TBXT: variants seen among roughly 807,000 people sequenced by gnomAD.
The protein encoded by TBXT is T-box transcription factor T.
TBXT carries 19 observed loss-of-function variants against 41.1 expected under a neutral mutation model. That is an observed-to-expected ratio of 0.46 (90% CI 0.32 to 0.68). The LOEUF is 0.68. Ranked by LOEUF, TBXT falls within the 30% of genes least tolerant of loss-of-function variation. The pLI is 0.03. For synonymous variants in TBXT, 213 were observed against 238.9 expected (o/e 0.89, Z 1.00); for missense variants, 536 against 582.0 (o/e 0.92, Z 0.81).
Position 166,165,774 on chromosome 6 carries a change from G to A in TBXT, c.538C>T (p.Arg180Cys). Reference sequence around the variant, plus strand: ...GGGAAGCAGTGGCTGGTGATCATGCGCTGTGGACCCCCAACTCTCACTATG... The same window carrying A: ...GGGAAGCAGTGGCTGGTGATCATGCACTGTGGACCCCCAACTCTCACTATG... ...IHIVRVGGPQ[R>C]MITSHCFPET... is the part of the protein sequence containing the mutation. The change falls in exon 3 of 8, where the codon CGC becomes TGC. Residue 180 changes from arginine to cysteine, a missense_variant. Arg to Cys is a radical substitution (Grantham distance 180). Transcript: ENST00000366876. The A allele has an allele frequency of 6.2e-7, 1 of 1,614,144 alleles. No individual in the cohort carries two copies. Among genetic ancestry groups the A allele is most frequent in the South Asian group, 1.1e-5 (1 of 91,078 alleles).
upstream of TBXT, chr6:166,168,212 G>A (rs1490050286): frequency 7.2e-6 from 1 of 139,092 alleles, no homozygotes; most frequent in Admixed American, 7.0e-5. Flanking sequence ...GCACTTCCGC[G>A]AGGGGCTGCC....
rs1778826775 is a variant in TBXT at position 166,157,869 on chromosome 6, AG to A, written c.*445del. On this transcript the variant is annotated 3_prime_UTR_variant, in exon 8 of 8. Transcript: ENST00000366876. ...ACTATGATTTTATTCTGTCCTTAAC[AG>A]CTCAACTCTAACTACTTGAAAGCAA... The A allele has an allele frequency of 1.1e-5, 3 of 261,080 alleles. No homozygotes were observed. The South Asian group carries it at 1.5e-4, about 13-fold the overall frequency. The allele number at this position is 261,080 out of a possible 1,614,324, so 16.2% of individuals were successfully genotyped here.
At chr6:166,159,550 T>C (rs1488077157) in intron 7 of TBXT, among the ~76,000 whole-genome samples, 1 of 152,222 alleles carries the variant, frequency 6.6e-6, no homozygotes, top group Non-Finnish European at 1.5e-5. Context: ...CTGAGACTAC[T>C]TATAGGCTGT....
chr6:166,164,555 G>C (rs370740850), intron 5 of TBXT, 50 bp downstream of exon 5: 5 of 1,604,402 alleles, frequency 3.1e-6, no homozygotes, highest in Admixed American at 1.7e-5. Flanking sequence ...CTCTCAGCAA[G>C]TCTAGTCCCG....
Position 166,167,468 on chromosome 6 carries a change from G to C in TBXT, c.124C>G (p.Leu42Val), listed in dbSNP as rs141082493. 3.7e-6 allele frequency: 6 copies of C among 1,612,528 alleles called. No individual in the cohort carries two copies. The East Asian group carries it at 8.9e-5, about 24-fold the overall frequency. The change falls in exon 1 of 8, where the codon CTG (leucine) becomes GTG (valine). Residue 42 changes from leucine (L) to valine (V), a missense_variant. By Grantham distance (32) the Leu-to-Val change is conservative. Transcript: ENST00000366876. ...SEKGDPTERE[L>V]RVGLEESELW... ...TCGCTCTCCTCCAGGCCCACGCGCA[G>C]TTCGCGCTCTGTGGGGTCGCCCTTC...
At chr6:166,163,206 G>C (rs1779011237) in intron 5 of TBXT, among the ~76,000 whole-genome samples, 1 of 152,108 alleles carries the variant, frequency 6.6e-6, no homozygotes, top group Non-Finnish European at 1.5e-5. Flanking sequence ...CTTAGACAAG[G>C]GTGCCCTCCC....
intron 7 of TBXT, among the ~76,000 whole-genome samples, chr6:166,159,197 A>G (rs570205205): frequency 1.3e-5 from 2 of 152,334 alleles, no homozygotes; most frequent in African/African-American, 4.8e-5. Flanking sequence ...CAGAAAAGAA[A>G]GACTCAGACC....
In TBXT at chr6:166,158,600, A is replaced by G; in HGVS notation, c.1038-12T>C. 2 of 1,508,276 alleles carry G rather than the reference A, an allele frequency of 1.3e-6. No individual in the cohort carries two copies. Among genetic ancestry groups the G allele is most frequent in the African/African-American group, 1.4e-5 (1 of 72,572 alleles). 93.4% of individuals were successfully genotyped at this position (1,508,276 alleles called of 1,614,324 possible). A position where few individuals can be genotyped will look rare whatever the true frequency, so the allele number is the denominator to read the frequency against. ...GGCTGGGGTACTGACTGCAACAGAA[A>G]GACACCAGTGAGCAGGGCCTGGGCA... On this transcript the variant is annotated splice_polypyrimidine_tract_variant and intron_variant, in intron 7 of 7. Transcript: ENST00000366876.
rs1217735160 is a variant in TBXT, at chr6:166,158,531, T to G, written c.1095A>C (p.Ala365=). ...SNGAVTPGSQ[A]AAVSNGLGAQ... ...CCCCCAGCCCGTTGGACACGGCTGC[T>G]GCCTGGGAGCCCGGGGTGACGGCGC... The change falls in exon 8 of 8, where the codon GCA becomes GCC. Residue 365 remains alanine, a synonymous_variant. Transcript: ENST00000366876. The G allele has an allele frequency of 1.2e-6, 2 of 1,601,934 alleles. No homozygotes were observed. Among genetic ancestry groups the G allele is most frequent in the Admixed American group, 3.4e-5 (2 of 59,554 alleles).
chr6:166,167,950 G>A (rs2128524045), upstream of TBXT: 1 of 371,498 alleles, frequency 2.7e-6, no homozygotes. Flanking sequence ...GTGCCGGGCA[G>A]CCTCCCATTG....
In TBXT at chr6:166,166,724, G is replaced by GC. The variant is rs757779131; in HGVS notation, c.338dup (p.Lys114GlnfsTer52). 2.5e-6 allele frequency: 4 copies of GC among 1,613,656 alleles called. No individual in the cohort carries two copies. Among genetic ancestry groups the GC allele is most frequent in the Non-Finnish European group, 3.4e-6 (4 of 1,180,034 alleles). ...AGCTGGGCGCCTGCGGCTCCGGCTT[G>GC]CCCCCCGGCACCCATTCCCCGTTCA... On this transcript the variant is annotated frameshift_variant, in exon 2 of 8. Coordinates refer to ENST00000366876, the MANE Select transcript of TBXT (RefSeq NM_001366285.2). LOFTEE classifies it high-confidence loss of function.
intron 5 of TBXT, among the ~76,000 whole-genome samples, chr6:166,163,349 C>T (rs191642571): frequency 1.3e-5 from 2 of 152,272 alleles, no homozygotes; most frequent in Admixed American, 1.3e-4. Context: ...CAAGACTCCC[C>T]TTCCTTCCTC....
chr6:166,158,580 G>C lies in TBXT; in HGVS notation c.1046C>G (p.Pro349Arg), dbSNP rs766423451. 6.5e-7 allele frequency: 1 copy of C among 1,546,638 alleles called. No homozygotes were observed. Among genetic ancestry groups the C allele is most frequent in the South Asian group, 1.2e-5 (1 of 83,098 alleles). Residue 349 changes from proline (P) to arginine (R), a missense_variant, in exon 8 of 8, where the codon CCC (proline) becomes CGC (arginine). By Grantham distance (103) the Pro-to-Arg change is moderately radical. Transcript: ENST00000366876. Reference sequence around the variant, plus strand: ...GCCGTTGCTCACAGACCACAGGCTGGGGTACTGACTGCAACAGAAAGACAC... The same window carrying C: ...GCCGTTGCTCACAGACCACAGGCTGCGGTACTGACTGCAACAGAAAGACAC... ...ASPPTSSSQY[P>R]SLWSVSNGAV...
chr6:166,167,366 G>A lies in TBXT; in HGVS notation c.206+20C>T. ...GGCGCTGGAGAGCGCGGCGCGCGCG[G>A]GCTCCGGACGCGCACCCACCTGCCG... is the stretch of plus-strand genomic sequence containing the variant. On this transcript the variant is annotated intron_variant, in intron 1 of 7. Transcript: ENST00000366876. The A allele has an allele frequency of 6.2e-7, 1 of 1,611,650 alleles. No individual in the cohort carries two copies. Among genetic ancestry groups the A allele is most frequent in the Non-Finnish European group, 8.5e-7 (1 of 1,179,682 alleles).
intron 1 of TBXT, 115 bp from the exon 2 acceptor site, chr6:166,166,971 A>T: frequency 6.4e-7 from 1 of 1,557,934 alleles, no homozygotes; most frequent in Non-Finnish European, 8.7e-7. Flanking sequence ...CCCCTGGGGA[A>T]CGTCCGAGGG....
chr6:166,164,357 T>C (rs1300287219), intron 5 of TBXT, among the ~76,000 whole-genome samples: 1 of 152,194 alleles, frequency 6.6e-6, no homozygotes, highest in Non-Finnish European at 1.5e-5. Flanking sequence ...ACCCCAGGCA[T>C]GGTGGCAGCT....
At chr6:166,162,987 G>T (rs927960734) in intron 5 of TBXT, among the ~76,000 whole-genome samples, 1 of 152,188 alleles carries the variant, frequency 6.6e-6, no homozygotes, top group African/African-American at 2.4e-5. Flanking sequence ...CACTACCACA[G>T]GTAACCCAAG....
upstream of TBXT, chr6:166,167,924 C>G (rs916840197): frequency 9.6e-6 from 4 of 418,428 alleles, no homozygotes; most frequent in Non-Finnish European, 1.8e-5. Context: ...GCGGATTGGG[C>G]CGCGCACGCT....
At chr6:166,168,321 G>C (rs1015137575), upstream of TBXT, 1 of 152,284 alleles carries the variant, frequency 6.6e-6, no homozygotes, top group South Asian at 2.1e-4. Context: ...CGTTCGCGCG[G>C]CCTCACCTGT....
Sources: gnomAD v4.1 joint callset for allele counts (sites outside exome capture counted in the v4.1 genomes callset) on GRCh38, gnomAD v4.1.1 for gene constraint, MANE v1.5 for transcripts, NCBI Gene and HGNC (gene_info 2026-07-23, HGNC 2026-07-21) for gene names.